CNTNAP2: variants seen among roughly 807,000 people sequenced by gnomAD.
CNTNAP2 encodes contactin associated protein 2.
In CNTNAP2, 98 loss-of-function variants were observed where a neutral mutation model predicts 155.2. The ratio of observed to expected loss-of-function variants is 0.63; its 90% confidence interval spans 0.54 to 0.75. The LOEUF (loss-of-function observed/expected upper bound fraction) is 0.75, where lower values mean the gene tolerates loss of function less well. Among genes scored for constraint, CNTNAP2 ranks in the 30% least tolerant of loss-of-function variants. The pLI, the probability that CNTNAP2 is intolerant of heterozygous loss-of-function variation, is 0.00. For synonymous variants in CNTNAP2, 651 were observed against 631.2 expected (o/e 1.03, Z -0.47); for missense variants, 1,727 against 1,688.1 (o/e 1.02, Z -0.40).
At chr7:148,060,795 G>A (rs1165713793) in intron 15 of CNTNAP2, among the ~76,000 whole-genome samples, 1 of 152,132 alleles carries the variant, frequency 6.6e-6, no homozygotes, top group Non-Finnish European at 1.5e-5. Context: ...GTTGTATTAT[G>A]GAATAGTTAA....
chr7:148,023,671 G>A (rs1394367583), intron 15 of CNTNAP2, among the ~76,000 whole-genome samples: 6 of 152,284 alleles, frequency 3.9e-5, no homozygotes, highest in Non-Finnish European at 8.8e-5. Flanking sequence ...GAGGTGCCAG[G>A]TCAGAGATTA....
chr7:147,517,364 G>A (rs772823672), intron 11 of CNTNAP2, among the ~76,000 whole-genome samples: 5 of 152,124 alleles, frequency 3.3e-5, no homozygotes, highest in Non-Finnish European at 5.9e-5. Context: ...ACAGCAGGCA[G>A]GGAGAACTTC....
intron 11 of CNTNAP2, among the ~76,000 whole-genome samples, chr7:147,489,009 A>G (rs1390474944): frequency 2.0e-5 from 3 of 152,200 alleles, no homozygotes; most frequent in Non-Finnish European, 4.4e-5. Context: ...TTGAACTTCT[A>G]TACCAATAAT....
chr7:147,586,366 G>A (rs1335360776), intron 12 of CNTNAP2, among the ~76,000 whole-genome samples: 1 of 151,780 alleles, frequency 6.6e-6, no homozygotes, highest in Non-Finnish European at 1.5e-5. Context: ...GTATAAGGAG[G>A]CTTATCTGAC....
intron 4 of CNTNAP2, among the ~76,000 whole-genome samples, chr7:147,056,590 G>A (rs1799565707): frequency 6.6e-6 from 1 of 152,138 alleles, no homozygotes; most frequent in South Asian, 2.1e-4. Flanking sequence ...AGGTGTGGGT[G>A]TGTTTTTTGT....
At chr7:148,245,199 G>A (rs1007549426) in intron 20 of CNTNAP2, among the ~76,000 whole-genome samples, 2 of 152,160 alleles carry the variant, frequency 1.3e-5, no homozygotes, top group Non-Finnish European at 2.9e-5. Flanking sequence ...TTGGCACATG[G>A]AGGAGCTTGG....
At chr7:146,181,802 A>C (rs1798553196) in intron 1 of CNTNAP2, among the ~76,000 whole-genome samples, 1 of 152,182 alleles carries the variant, frequency 6.6e-6, no homozygotes, top group African/African-American at 2.4e-5. Context: ...AATAAAATAT[A>C]ATAAAATGGA....
rs183185402 is a variant in CNTNAP2, at chr7:146,729,256, C to G, written c.98-45015C>G. ...AAAACAGCTGACCCATACACATATA[C>G]TGTTGAGACAAAAGTCTTTTCAATT... On this transcript the variant is annotated intron_variant, in intron 1 of 23. Coordinates refer to ENST00000361727, the MANE Select transcript of CNTNAP2 (RefSeq NM_014141.6). Among the ~76,000 whole-genome samples the G allele has an allele frequency of 5.3e-5, 8 of 152,250 alleles. No individual in the cohort carries two copies. The East Asian group carries it at 1.4e-3, about 26-fold the overall frequency.
At chr7:146,821,529 C>T (rs2372691) in intron 2 of CNTNAP2, among the ~76,000 whole-genome samples, 163 of 152,216 alleles carry the variant, frequency 1.1e-3, no homozygotes, top group Non-Finnish European at 1.8e-3. Flanking sequence ...TCAGAGTGAA[C>T]AGGCAACCTA....
chr7:146,880,332 G>C (rs1197483931), intron 3 of CNTNAP2, among the ~76,000 whole-genome samples: 1 of 151,870 alleles, frequency 6.6e-6, no homozygotes. Flanking sequence ...CTCTCTTTCT[G>C]CCATTCGAAG....
At chr7:146,269,578 A>T (rs891007857) in intron 1 of CNTNAP2, among the ~76,000 whole-genome samples, 5 of 152,192 alleles carry the variant, frequency 3.3e-5, no homozygotes, top group African/African-American at 1.2e-4. Flanking sequence ...ATGTTGCATA[A>T]CTTATAGTTA....
intron 21 of CNTNAP2, among the ~76,000 whole-genome samples, chr7:148,381,869 G>A (rs1302652293): frequency 3.9e-4 from 1 of 2,552 alleles, no homozygotes; most frequent in Non-Finnish European, 5.0e-3. Context: ...ACTGCACATT[G>A]GCCCCCCCCC....
chr7:146,129,063 C>T (rs942586778), intron 1 of CNTNAP2, among the ~76,000 whole-genome samples: 2 of 152,052 alleles, frequency 1.3e-5, no homozygotes, highest in Non-Finnish European at 2.9e-5. Context: ...CTACTCTTTG[C>T]CCAAAGTATA....
At chr7:146,969,698 A>G (rs1035115086) in intron 3 of CNTNAP2, among the ~76,000 whole-genome samples, 2 of 151,782 alleles carry the variant, frequency 1.3e-5, no homozygotes, top group Admixed American at 6.6e-5. Flanking sequence ...TTTTGAGCCT[A>G]TGTGTGTTTA....
At chr7:148,161,359 C>T (rs1289502995) in intron 17 of CNTNAP2, among the ~76,000 whole-genome samples, 1 of 152,152 alleles carries the variant, frequency 6.6e-6, no homozygotes, top group African/African-American at 2.4e-5. Context: ...AGCATATTCC[C>T]TTGAGATTTC....
intron 9 of CNTNAP2, among the ~76,000 whole-genome samples, chr7:147,362,264 C>T (rs577820488): frequency 2.6e-5 from 4 of 152,128 alleles, no homozygotes; most frequent in African/African-American, 9.7e-5. Context: ...TTTCAAGTAG[C>T]GGGGATTACA....
At chr7:148,412,097 C>T (rs1799855430) in intron 23 of CNTNAP2, among the ~76,000 whole-genome samples, 2 of 135,174 alleles carry the variant, frequency 1.5e-5, no homozygotes, top group African/African-American at 5.8e-5. Flanking sequence ...CACGCACCAC[C>T]ATGTCCAGCT....
At chr7:147,630,821 C>A (rs1390125363) in intron 12 of CNTNAP2, among the ~76,000 whole-genome samples, 1 of 152,008 alleles carries the variant, frequency 6.6e-6, no homozygotes, top group Non-Finnish European at 1.5e-5. Context: ...AGGGATGTAC[C>A]TCAATGTAAT....
At chr7:148,259,266 G>A (rs1327438661) in intron 20 of CNTNAP2, among the ~76,000 whole-genome samples, 1 of 147,762 alleles carries the variant, frequency 6.8e-6, no homozygotes, top group African/African-American at 2.5e-5. Flanking sequence ...TAAGGTGGAA[G>A]GATCACTTGA....
Sources: allele counts gnomAD v4.1 joint callset (sites outside exome capture counted in the v4.1 genomes callset), GRCh38; gene constraint gnomAD v4.1.1; transcripts MANE v1.5; gene names NCBI Gene and HGNC (gene_info 2026-07-23, HGNC 2026-07-21).